The following DPP6 variants were observed in gnomAD, a reference collection of about 807,000 sequenced individuals.
DPP6 encodes the protein A-type potassium channel modulatory protein DPP6.
In DPP6, 69 loss-of-function variants were observed where a neutral mutation model predicts 122.6. That is an observed-to-expected ratio of 0.56 (90% CI 0.46 to 0.69). The LOEUF (loss-of-function observed/expected upper bound fraction) is 0.69. DPP6 is among the 30% of genes least tolerant of loss of function. The pLI, the probability that DPP6 is intolerant of heterozygous loss-of-function variation, is 0.00. For missense variants in DPP6, 928 were observed against 1,116.9 expected (o/e 0.83, Z 2.41); for synonymous variants, 418 against 433.1 (o/e 0.97, Z 0.43).
intron 1 of DPP6, among the ~76,000 whole-genome samples, chr7:154,182,336 C>T (rs545694703): frequency 6.6e-6 from 1 of 152,298 alleles, no homozygotes; most frequent in South Asian, 2.1e-4. Context: ...GCGTTTATTT[C>T]TCAGTCTTGC....
intron 1 of DPP6, among the ~76,000 whole-genome samples, chr7:154,364,646 G>A (rs1022188673): frequency 4.6e-5 from 7 of 152,156 alleles, no homozygotes; most frequent in African/African-American, 1.2e-4. Flanking sequence ...GGTAGCTGCC[G>A]TTCTCCCATT....
upstream of DPP6, among the ~76,000 whole-genome samples, chr7:154,049,953 G>A (rs1318476109): frequency 3.3e-5 from 5 of 152,164 alleles, no homozygotes; most frequent in African/African-American, 7.2e-5. Context: ...ATAGCCAAGC[G>A]CTTTTCAATT....
intron 3 of DPP6, among the ~76,000 whole-genome samples, chr7:154,476,586 C>T (rs762181609): frequency 1.3e-5 from 2 of 152,190 alleles, no homozygotes; most frequent in Non-Finnish European, 2.9e-5. Context: ...CGGAAGTTCT[C>T]ATCCTTCTCA....
chr7:154,533,865 G>A lies in DPP6; in HGVS notation c.458-6667G>A, dbSNP rs376385281. On this transcript the variant is annotated intron_variant, in intron 3 of 25. Coordinates refer to ENST00000377770, the MANE Select transcript of DPP6 (RefSeq NM_130797.4). ...TTTAAAAAATTAGCCAGGCATGGTG[G>A]CATGTGCCTGTGGTCCCAGCTACTT... Among the ~76,000 whole-genome samples, 75 of 152,124 alleles carry A rather than the reference G, an allele frequency of 4.9e-4. 1 individual carries two copies. The South Asian group carries it at 7.9e-3, about 16-fold the overall frequency.
At position 154,892,400 on chromosome 7, in the gene DPP6, A is replaced by T; in HGVS notation, c.2518A>T (p.Ile840Phe). ...CAAACAGCATCTGTACCGGTCCATC[A>T]TCAACTTCTTCGTGGAATGCTTCAG... Reference protein sequence around the residue: ...SLKQHLYRSIINFFVECFRIQ... With the variant: ...SLKQHLYRSIFNFFVECFRIQ... The change falls in exon 26 of 26, where the codon ATC (isoleucine) becomes TTC (phenylalanine). Residue 840 changes from isoleucine (I) to phenylalanine (F), a missense_variant. Coordinates refer to ENST00000377770, the MANE Select transcript of DPP6 (RefSeq NM_130797.4). 1 of 1,614,042 alleles carries T rather than the reference A, an allele frequency of 6.2e-7. No individual in the cohort carries two copies. Among genetic ancestry groups the T allele is most frequent in the Non-Finnish European group, 8.5e-7 (1 of 1,179,904 alleles).
Position 154,774,157 on chromosome 7 carries a change from T to C in DPP6, c.1136+1215T>C, listed in dbSNP as rs539985990. On this transcript the variant is annotated intron_variant, in intron 10 of 25. Coordinates refer to ENST00000377770, the MANE Select transcript of DPP6 (RefSeq NM_130797.4). ...ATAGGAGGGCCTGTGGCTCTAGAGG[T>C]TTAATGAACCTGGCCCCCAGCAGCT... 2.0e-5 allele frequency among the ~76,000 whole-genome samples: 3 copies of C among 151,916 alleles called. No homozygotes were observed. In the South Asian group the frequency reaches 6.2e-4, roughly 32 times the overall value.
intron 1 of DPP6, among the ~76,000 whole-genome samples, chr7:154,061,717 C>A (rs1362244351): frequency 1.1e-5 from 1 of 90,214 alleles, no homozygotes; most frequent in Admixed American, 1.1e-4. Context: ...GCAATCCCCG[C>A]GAGGCGGGGA....
chr7:154,326,634 G>A (rs1808469057), intron 1 of DPP6, among the ~76,000 whole-genome samples: 1 of 152,144 alleles, frequency 6.6e-6, no homozygotes, highest in Non-Finnish European at 1.5e-5. Flanking sequence ...ATTTTAGCCT[G>A]TATACATAGA....
At chr7:154,752,680 C>T (rs956834366) in intron 8 of DPP6, among the ~76,000 whole-genome samples, 4 of 152,110 alleles carry the variant, frequency 2.6e-5, no homozygotes, top group East Asian at 1.9e-4. Flanking sequence ...CACTATCCAC[C>T]GCAGGAGGCT....
intron 8 of DPP6, among the ~76,000 whole-genome samples, chr7:154,728,365 G>C (rs1842172202): frequency 6.6e-6 from 1 of 152,198 alleles, no homozygotes; most frequent in African/African-American, 2.4e-5. Context: ...TTGCTGCTGA[G>C]AGCGCCTCCA....
At chr7:154,662,160 G>C (rs1478566738) in intron 6 of DPP6, among the ~76,000 whole-genome samples, 1 of 151,070 alleles carries the variant, frequency 6.6e-6, no homozygotes, top group Admixed American at 6.6e-5. Flanking sequence ...TGGCATATTG[G>C]CCGTAGTGTT....
intron 1 of DPP6, among the ~76,000 whole-genome samples, chr7:154,322,848 T>A (rs1226545974): frequency 2.6e-5 from 4 of 152,218 alleles, no homozygotes; most frequent in Non-Finnish European, 5.9e-5. Flanking sequence ...TAAATATGCC[T>A]GCTTCAATGC....
In DPP6 at chr7:153,901,917, G is replaced by T. The variant is rs574590638; in HGVS notation, c.51+14183G>T. ...ATTAAATGCAAATGAGGGGAGGCGT[G>T]TTGAAGTTACACTAAGGTTTAGTTG... On this transcript the variant is annotated intron_variant, in intron 1 of 25. Transcript: ENST00000404039. Among the ~76,000 whole-genome samples, 4 of 152,294 alleles carry T rather than the reference G, an allele frequency of 2.6e-5. No individual in the cohort carries two copies. In the South Asian group the frequency reaches 8.3e-4, roughly 32 times the overall value.
intron 17 of DPP6, among the ~76,000 whole-genome samples, chr7:154,857,212 G>A (rs1224319943): frequency 1.3e-5 from 2 of 152,146 alleles, no homozygotes; most frequent in South Asian, 2.1e-4. Context: ...GTTGATTGTC[G>A]TTCCCATCCC....
chr7:154,692,561 T>C (rs1839989714), intron 7 of DPP6, among the ~76,000 whole-genome samples: 2 of 152,128 alleles, frequency 1.3e-5, no homozygotes, highest in African/African-American at 4.8e-5. Context: ...GTTTGATTAA[T>C]GTTGGGGTCA....
chr7:154,299,163 G>T (rs1367990307), intron 1 of DPP6, among the ~76,000 whole-genome samples: 5 of 152,194 alleles, frequency 3.3e-5, no homozygotes, highest in Admixed American at 1.3e-4. Flanking sequence ...TCTCTTCCTA[G>T]ACCCTTTCCT....
intron 1 of DPP6, among the ~76,000 whole-genome samples, chr7:154,343,375 G>A (rs1246400118): frequency 2.0e-5 from 3 of 152,224 alleles, no homozygotes; most frequent in Non-Finnish European, 4.4e-5. Context: ...CAAGTGCACA[G>A]GCAGCGTCAG....
chr7:154,460,422 A>G (rs1821198466), intron 2 of DPP6, among the ~76,000 whole-genome samples: 1 of 152,126 alleles, frequency 6.6e-6, no homozygotes, highest in Non-Finnish European at 1.5e-5. Flanking sequence ...ATGCTATTTC[A>G]AGTCCTCTAT....
chr7:154,292,842 A>G (rs1805296913), intron 1 of DPP6, among the ~76,000 whole-genome samples: 2 of 152,328 alleles, frequency 1.3e-5, no homozygotes, highest in Non-Finnish European at 2.9e-5. Flanking sequence ...TTTATGTTCT[A>G]ATAGGAAATA....
Sources: allele counts gnomAD v4.1 joint callset (sites outside exome capture counted in the v4.1 genomes callset), GRCh38; gene constraint gnomAD v4.1.1; transcripts MANE v1.5; gene names NCBI Gene and HGNC (gene_info 2026-07-23, HGNC 2026-07-21).